The following ANKS1B variants were observed in gnomAD, a reference collection of about 807,000 sequenced individuals.
The protein encoded by ANKS1B is ankyrin repeat and sterile alpha motif domain containing 1B.
ANKS1B carries 36 observed loss-of-function variants against 148.3 expected under a neutral mutation model. That is an observed-to-expected ratio of 0.24 (90% CI 0.19 to 0.32). ANKS1B has a LOEUF of 0.32. Ranked by LOEUF, ANKS1B falls within the 10% of genes least tolerant of loss-of-function variation. The pLI, the probability that ANKS1B is intolerant of heterozygous loss-of-function variation, is 1.00. For synonymous variants in ANKS1B, 542 were observed against 560.8 expected (o/e 0.97, Z 0.47); for missense variants, 1,157 against 1,542.6 (o/e 0.75, Z 4.19).
chr12:99,357,884 T>C (rs2092154377), intron 12 of ANKS1B, among the ~76,000 whole-genome samples: 2 of 152,152 alleles, frequency 1.3e-5, no homozygotes, highest in African/African-American at 4.8e-5. Context: ...TCTTAGACAT[T>C]AGATATTACA....
At chr12:99,696,910 A>G (rs2054016662) in intron 8 of ANKS1B, among the ~76,000 whole-genome samples, 1 of 152,196 alleles carries the variant, frequency 6.6e-6, no homozygotes, top group South Asian at 2.1e-4. Context: ...AATTTTTAAA[A>G]TGGGCAAAAG....
At chr12:99,740,988 C>T (rs2060044709) in intron 8 of ANKS1B, among the ~76,000 whole-genome samples, 1 of 152,062 alleles carries the variant, frequency 6.6e-6, no homozygotes, top group Admixed American at 6.6e-5. Context: ...GGGCAGACAC[C>T]TAACTAGGTC....
chr12:99,207,670 A>G (rs2082845769), intron 14 of ANKS1B, among the ~76,000 whole-genome samples: 1 of 152,082 alleles, frequency 6.6e-6, no homozygotes, highest in Non-Finnish European at 1.5e-5. Flanking sequence ...ATTCCAATTA[A>G]TATATGAAAG....
chr12:99,533,936 T>C (rs2097031698), intron 9 of ANKS1B, among the ~76,000 whole-genome samples: 1 of 152,160 alleles, frequency 6.6e-6, no homozygotes, highest in Admixed American at 6.5e-5. Context: ...GTCTTAAAAA[T>C]ATGGAGAAAA....
intron 12 of ANKS1B, chr12:99,352,257 T>C (rs1472804787): frequency 2.6e-5 from 4 of 152,090 alleles, no homozygotes; most frequent in Non-Finnish European, 4.4e-5. Flanking sequence ...CCAGCTAACA[T>C]AGTACCCAGC....
In ANKS1B at chr12:98,780,967, G is replaced by T. The variant is rs1448221054; in HGVS notation, c.3441+150C>A. ...TGTATGTGTGTGTGTACATGAGCGT[G>T]TATCTATAGGTATATGTAGGAAGCA... On this transcript the variant is annotated intron_variant, in intron 24 of 26. Coordinates refer to ENST00000683438, the MANE Select transcript of ANKS1B (RefSeq NM_001352186.2). The T allele has an allele frequency of 5.1e-6, 3 of 582,552 alleles. No individual in the cohort carries two copies. The African/African-American group carries it at 5.6e-5, about 11-fold the overall frequency. 36.1% of individuals were successfully genotyped at this position (582,552 alleles called of 1,614,324 possible). A position where few individuals can be genotyped will look rare whatever the true frequency, so the allele number is the denominator to read the frequency against.
chr12:98,743,964 C>G, downstream of ANKS1B: 4 of 977,148 alleles, frequency 4.1e-6, no homozygotes, highest in Non-Finnish European at 4.9e-6. Context: ...AGAACGATGC[C>G]AAGCACCACT....
At chr12:98,955,535 T>C (rs2099860785) in intron 17 of ANKS1B, among the ~76,000 whole-genome samples, 1 of 152,110 alleles carries the variant, frequency 6.6e-6, no homozygotes, top group African/African-American at 2.4e-5. Context: ...GCCACTGCAA[T>C]AATACAGACA....
chr12:98,766,015 G>C (rs1473319198), intron 25 of ANKS1B, among the ~76,000 whole-genome samples: 1 of 152,216 alleles, frequency 6.6e-6, no homozygotes, highest in Non-Finnish European at 1.5e-5. Flanking sequence ...GAAGTGGGGG[G>C]TGCAACAAAT....
At chr12:99,982,897 G>A (rs1188656877) in intron 1 of ANKS1B, among the ~76,000 whole-genome samples, 2 of 152,084 alleles carry the variant, frequency 1.3e-5, no homozygotes, top group Non-Finnish European at 2.9e-5. Flanking sequence ...CACTGTAATA[G>A]AAACTTTCCA....
At chr12:99,007,900 G>A (rs1246160762) in intron 17 of ANKS1B, among the ~76,000 whole-genome samples, 1 of 151,522 alleles carries the variant, frequency 6.6e-6, no homozygotes, top group African/African-American at 2.4e-5. Flanking sequence ...GGACATGATG[G>A]GTTCTTCGAA....
intron 11 of ANKS1B, among the ~76,000 whole-genome samples, chr12:99,426,330 T>G (rs568978099): frequency 3.3e-4 from 50 of 152,306 alleles, no homozygotes; most frequent in South Asian, 1.4e-3. Context: ...TCTCTGTTTT[T>G]TTAAATGGAA....
In ANKS1B at chr12:98,757,228, A is replaced by G. The variant is rs1309747205; in HGVS notation, c.3580-5706T>C. Among the ~76,000 whole-genome samples, 3 of 152,128 alleles carry G rather than the reference A, an allele frequency of 2.0e-5. No individual in the cohort carries two copies. In the East Asian group the frequency reaches 5.8e-4, roughly 29 times the overall value. On this transcript the variant is annotated intron_variant, in intron 25 of 26. Coordinates refer to ENST00000683438, the MANE Select transcript of ANKS1B (RefSeq NM_001352186.2). ...TGGAGCTCCAGCAGACATCGCTTGG[A>G]GAAGACTCAAGACCCAGACAGATGG...
At chr12:99,017,408 ATGTGACCAGAGGTCACAAGATT>A (rs2099943187) in intron 17 of ANKS1B, among the ~76,000 whole-genome samples, 1 of 152,284 alleles carries the variant, frequency 6.6e-6, no homozygotes, top group East Asian at 1.9e-4. Flanking sequence ...ATCAGGAATC[ATGTGACCAGAGGTCACAAGATT>A]TGTGACCTTC....
intron 1 of ANKS1B, among the ~76,000 whole-genome samples, chr12:99,977,651 G>T (rs2095645653): frequency 6.6e-6 from 1 of 152,154 alleles, no homozygotes; most frequent in African/African-American, 2.4e-5. Context: ...CACCAAAGAA[G>T]AAAAGTAGAC....
intron 12 of ANKS1B, among the ~76,000 whole-genome samples, chr12:99,267,128 T>G (rs1352784720): frequency 1.3e-5 from 2 of 152,202 alleles, no homozygotes; most frequent in Non-Finnish European, 2.9e-5. Flanking sequence ...TCCAAATCAG[T>G]GACATTCAGA....
chr12:99,880,746 T>C (rs572401586), intron 1 of ANKS1B, among the ~76,000 whole-genome samples: 1 of 152,172 alleles, frequency 6.6e-6, no homozygotes, highest in South Asian at 2.1e-4. Flanking sequence ...GTTTTCTAAG[T>C]CTATCTTCTT....
chr12:99,244,463 C>T, intron 13 of ANKS1B, 49 bp from the exon 14 acceptor site: 2 of 1,238,262 alleles, frequency 1.6e-6, no homozygotes, highest in South Asian at 1.4e-5. Context: ...TCACTTTTAA[C>T]ATTGTATTTT....
chr12:99,317,791 G>A (rs1191685988), intron 12 of ANKS1B, among the ~76,000 whole-genome samples: 1 of 152,154 alleles, frequency 6.6e-6, no homozygotes, highest in Admixed American at 6.5e-5. Flanking sequence ...GTATGATATT[G>A]GCTGTGGGTT....
Sources: allele counts gnomAD v4.1 joint callset (sites outside exome capture counted in the v4.1 genomes callset), GRCh38; gene constraint gnomAD v4.1.1; transcripts MANE v1.5; gene names NCBI Gene and HGNC (gene_info 2026-07-23, HGNC 2026-07-21).